POU2F2: variants seen among roughly 807,000 people sequenced by gnomAD.
POU2F2 encodes the protein POU domain, class 2, transcription factor 2.
A neutral mutation model predicts 63.5 loss-of-function variants in POU2F2; 14 were observed. The ratio of observed to expected loss-of-function variants is 0.22; its 90% CI spans 0.15 to 0.34. The LOEUF (loss-of-function observed/expected upper bound fraction) is 0.34. Ranked by LOEUF, POU2F2 falls within the 10% of genes least tolerant of loss-of-function variation. The pLI is 1.00. For synonymous variants in POU2F2, 306 were observed against 348.6 expected (o/e 0.88, Z 1.36); for missense variants, 607 against 815.2 (o/e 0.74, Z 3.11).
At chr19:42,168,573 G>A (rs1465770881) in intron 1 of POU2F2, among the ~76,000 whole-genome samples, 1 of 152,062 alleles carries the variant, frequency 6.6e-6, no homozygotes, top group Non-Finnish European at 1.5e-5. Flanking sequence ...ATCTTCCTGG[G>A]CTCCCCACTC....
chr19:42,153,557 C>T lies in POU2F2; in HGVS notation c.-9+6775G>A, dbSNP rs768546995. On this transcript the variant is annotated intron_variant, in intron 2 of 6. Transcript: ENST00000524801. The surrounding 1 kb of genome is among the most constrained non-coding windows in gnomAD (Gnocchi z 5.6). ...GTCCCGTGTGGATCTGTGCCTGTGC[C>T]TGTGGGCAGCTGCGTGTGCTTCAGG... 1.3e-5 allele frequency among the ~76,000 whole-genome samples: 2 copies of T among 152,042 alleles called. No homozygotes were observed. The highest frequency in any genetic ancestry group is 2.9e-5 in the Non-Finnish European group (2 of 67,996).
intron 1 of POU2F2, among the ~76,000 whole-genome samples, chr19:42,172,833 G>A (rs1157866834): frequency 2.0e-5 from 3 of 152,228 alleles, no homozygotes; most frequent in Admixed American, 1.3e-4. Context: ...AGACAGGTCT[G>A]TGGATGGACA....
chr19:42,161,424 A>G (rs1479188337), intron 1 of POU2F2, among the ~76,000 whole-genome samples: 1 of 152,132 alleles, frequency 6.6e-6, no homozygotes, highest in African/African-American at 2.4e-5. Flanking sequence ...TACAAGATGG[A>G]GAGAACAGAG....
At chr19:42,197,932 T>C (rs2035170832), upstream of POU2F2, among the ~76,000 whole-genome samples, 1 of 151,922 alleles carries the variant, frequency 6.6e-6, no homozygotes, top group Non-Finnish European at 1.5e-5. Context: ...TCCCAGCGCT[T>C]TGGGAGGCTG....
chr19:42,168,711 G>C (rs2034699570), intron 1 of POU2F2, among the ~76,000 whole-genome samples: 1 of 152,230 alleles, frequency 6.6e-6, no homozygotes, highest in Non-Finnish European at 1.5e-5. Context: ...GCGGCATAGT[G>C]GGGTAAGGGT....
At chr19:42,187,095 G>A (rs771954864) in intron 1 of POU2F2, among the ~76,000 whole-genome samples, 5 of 152,082 alleles carry the variant, frequency 3.3e-5, no homozygotes, top group African/African-American at 7.2e-5. Flanking sequence ...AGTCGATGAT[G>A]TCCCTCAAGA....
rs2076647991 is a variant in POU2F2, at chr19:42,089,516, CGAGG to C, written c.*1737_*1740del. On this transcript the variant is annotated 3_prime_UTR_variant, in exon 15 of 15. Transcript: ENST00000692977. ...CCCACCCGCTTCCATCTGCCCTGGC[CGAGG>C]GACAGGCCCTGCCCCAGCCGCCCCC... 1 of 152,188 alleles carries C rather than the reference CGAGG, an allele frequency of 6.6e-6. No individual in the cohort carries two copies. The highest frequency in any genetic ancestry group is 2.4e-5 in the African/African-American group (1 of 41,318). 9.4% of individuals were successfully genotyped at this position (152,188 alleles called of 1,614,324 possible).
At position 42,091,483 on chromosome 19, in the gene POU2F2, G is replaced by A. The variant is rs774184239; in HGVS notation, c.1649C>T (p.Pro550Leu). The change falls in exon 15 of 15, where the codon CCG (proline) becomes CTG (leucine). Residue 550 changes from proline (P) to leucine (L), a missense_variant. This residue lies in a region of POU2F2 where 270 missense variants were observed against 307.5 expected (regional missense o/e 0.88). Transcript: ENST00000692977. ...CAGCCCAGCATGATTCAAGAAGAGC[G>A]GCGAGGTCACCAGGCCAGGGCTCCC... ...APGSPGLVTS[P>L]LFLNHAGLPL... 17 of 1,549,826 alleles carry A rather than the reference G, an allele frequency of 1.1e-5. No individual in the cohort carries two copies. In the Admixed American group the frequency reaches 1.8e-4, roughly 16 times the overall value.
intron 7 of POU2F2, among the ~76,000 whole-genome samples, chr19:42,097,175 TG>T (rs1180827556): frequency 6.6e-6 from 1 of 151,518 alleles, no homozygotes; most frequent in Non-Finnish European, 1.5e-5. Flanking sequence ...CTGGGGCAGA[TG>T]TTTAGGAATT....
chr19:42,192,150 C>T (rs1458232031), intron 1 of POU2F2, among the ~76,000 whole-genome samples: 1 of 152,118 alleles, frequency 6.6e-6, no homozygotes, highest in Non-Finnish European at 1.5e-5. Context: ...TGGAAAGAGA[C>T]TGTGAGGCTA....
Position 42,099,602 on chromosome 19 carries a change from TGGTGTC to T in POU2F2, c.486_491del (p.Thr163_Pro164del). ...TTTGCTGAGGTAGCTGGAATAGATTTGGTGTCGGTAGCAGGCCTGGAAAGACAAGGG... is the reference window on the plus strand; with the variant it reads ...TTTGCTGAGGTAGCTGGAATAGATTTGGTAGCAGGCCTGGAAAGACAAGGG... On this transcript the variant is annotated inframe_deletion, in exon 7 of 15. Coordinates refer to ENST00000692977, the MANE Select transcript of POU2F2 (RefSeq NM_001394376.1). 1 of 1,613,856 alleles carries T rather than the reference TGGTGTC, an allele frequency of 6.2e-7. No homozygotes were observed. Among genetic ancestry groups the T allele is most frequent in the Non-Finnish European group, 8.5e-7 (1 of 1,179,864 alleles).
chr19:42,190,931 T>G (rs1383753430), intron 1 of POU2F2, among the ~76,000 whole-genome samples: 1 of 151,758 alleles, frequency 6.6e-6, no homozygotes, highest in African/African-American at 2.4e-5. Flanking sequence ...AAATGGGGAA[T>G]CAGTGGACAC....
At chr19:42,186,999 A>T (rs2035019219) in intron 1 of POU2F2, among the ~76,000 whole-genome samples, 1 of 152,126 alleles carries the variant, frequency 6.6e-6, no homozygotes, top group African/African-American at 2.4e-5. Flanking sequence ...CTATATTGGG[A>T]TACAGTTGTG....
intron 1 of POU2F2, among the ~76,000 whole-genome samples, chr19:42,181,447 C>T (rs2146815336): frequency 6.6e-6 from 1 of 152,312 alleles, no homozygotes; most frequent in Non-Finnish European, 1.5e-5. Context: ...AGCTCTTATT[C>T]CCTCCTCATT....
intron 2 of POU2F2, among the ~76,000 whole-genome samples, chr19:42,154,832 T>A (rs1273354135): frequency 6.6e-6 from 1 of 152,252 alleles, no homozygotes; most frequent in East Asian, 1.9e-4. Flanking sequence ...CAAGCCTTTT[T>A]CCACGTTCCT....
chr19:42,099,450 TC>T, intron 7 of POU2F2, 76 bp downstream of exon 7: 1 of 1,303,182 alleles, frequency 7.7e-7, no homozygotes, highest in Non-Finnish European at 1.1e-6. Flanking sequence ...CTCTCACTCA[TC>T]CCCCACCCCC....
chr19:42,191,260 G>C (rs114624457), intron 1 of POU2F2, among the ~76,000 whole-genome samples: 1 of 152,058 alleles, frequency 6.6e-6, no homozygotes, highest in African/African-American at 2.4e-5. Context: ...CACCAGCAGG[G>C]CATCAGAGAA....
upstream of POU2F2, among the ~76,000 whole-genome samples, chr19:42,178,725 G>C (rs1486979596): frequency 6.6e-6 from 1 of 152,128 alleles, no homozygotes; most frequent in Non-Finnish European, 1.5e-5. Flanking sequence ...GAAACACAGA[G>C]AAATATACAT....
At chr19:42,102,985 C>G (rs748346801) in intron 5 of POU2F2, among the ~76,000 whole-genome samples, 2 of 152,018 alleles carry the variant, frequency 1.3e-5, no homozygotes, top group East Asian at 1.9e-4. Flanking sequence ...CTCCCACTGC[C>G]CTATCCCTCC....
Sources: allele counts gnomAD v4.1 joint callset (sites outside exome capture counted in the v4.1 genomes callset), GRCh38; gene constraint gnomAD v4.1.1; regional missense constraint gnomAD v4.1.1; non-coding constraint Gnocchi (gnomAD v3.1); transcripts MANE v1.5; gene names NCBI Gene and HGNC (gene_info 2026-07-23, HGNC 2026-07-21).